GSTCD: variants seen among roughly 807,000 people sequenced by gnomAD.
GSTCD encodes the protein glutathione S-transferase C-terminal domain containing.
A neutral mutation model predicts 68.3 loss-of-function variants in GSTCD; 44 were observed. The observed-to-expected ratio is 0.64, with a 90% CI of 0.51 to 0.83. The LOEUF is 0.83. GSTCD is among the 40% of genes least tolerant of loss of function. The pLI is 0.00. For missense variants in GSTCD, 739 were observed against 735.9 expected, an observed-to-expected ratio of 1.00 and a Z score of -0.05; for synonymous variants, 273 against 255.2, an observed-to-expected ratio of 1.07 and a Z score of -0.67.
chr4:105,836,598 C>T (rs1417363694), intron 9 of GSTCD, among the ~76,000 whole-genome samples: 5 of 152,092 alleles, frequency 3.3e-5, no homozygotes, highest in African/African-American at 9.7e-5. Context: ...CCATCTCATG[C>T]TCGTCAGTGC....
chr4:105,728,621 T>A (rs1040063085), intron 4 of GSTCD, among the ~76,000 whole-genome samples: 2 of 151,102 alleles, frequency 1.3e-5, no homozygotes, highest in Non-Finnish European at 3.0e-5. Flanking sequence ...AGATTTTTAT[T>A]TGAATAGGTT....
chr4:105,762,641 G>A (rs1734457785), intron 5 of GSTCD, among the ~76,000 whole-genome samples: 2 of 152,174 alleles, frequency 1.3e-5, no homozygotes. Context: ...TATTTACAGT[G>A]ACTGGTTTCT....
chr4:105,736,803 A>G (rs140432069), intron 5 of GSTCD, among the ~76,000 whole-genome samples: 2 of 152,172 alleles, frequency 1.3e-5, no homozygotes, highest in East Asian at 3.9e-4. Context: ...AACTTTTTTT[A>G]CCTTCCATTT....
At chr4:105,778,539 A>G (rs1046237840) in intron 5 of GSTCD, among the ~76,000 whole-genome samples, 8 of 152,118 alleles carry the variant, frequency 5.3e-5, no homozygotes, top group Non-Finnish European at 8.8e-5. Flanking sequence ...TTAAGTTGTC[A>G]GCTGTTAAGG....
intron 5 of GSTCD, among the ~76,000 whole-genome samples, chr4:105,734,634 T>G (rs982187770): frequency 6.6e-6 from 1 of 152,068 alleles, no homozygotes; most frequent in African/African-American, 2.4e-5. Context: ...GGGTTCCTCC[T>G]TTAGCTCAGA....
intron 2 of GSTCD, 82 bp downstream of exon 2, chr4:105,718,121 T>A: frequency 9.2e-7 from 1 of 1,090,142 alleles, no homozygotes; most frequent in Non-Finnish European, 1.3e-6. Context: ...TTTAACTTCC[T>A]ATTAGGAATA....
At chr4:105,730,332 T>C (rs973441663) in intron 5 of GSTCD, among the ~76,000 whole-genome samples, 1 of 152,228 alleles carries the variant, frequency 6.6e-6, no homozygotes, top group Non-Finnish European at 1.5e-5. Context: ...TCTTCCACAA[T>C]GGTTAAACTA....
chr4:105,762,033 C>T (rs923618742), intron 5 of GSTCD: 5 of 152,210 alleles, frequency 3.3e-5, no homozygotes, highest in African/African-American at 1.2e-4. Flanking sequence ...GCAACACATT[C>T]TTTGGCTTTG....
chr4:105,837,818 A>G (rs758755013), intron 9 of GSTCD, 41 bp from the exon 10 acceptor site: 1 of 826,930 alleles, frequency 1.2e-6, no homozygotes, highest in Non-Finnish European at 1.9e-6. Context: ...CTTACTCTTA[A>G]TATTTAGAAT....
chr4:105,733,212 T>C (rs1733319311), intron 5 of GSTCD, among the ~76,000 whole-genome samples: 1 of 152,198 alleles, frequency 6.6e-6, no homozygotes, highest in African/African-American at 2.4e-5. Context: ...GTTTGCTTGG[T>C]GTGGAGCTGA....
In GSTCD at chr4:105,811,271, T is replaced by C. The variant is rs141391536; in HGVS notation, c.1241-11683T>C. 1.9e-3 allele frequency among the ~76,000 whole-genome samples: 293 copies of C among 152,206 alleles called. 2 individuals are homozygous for C. Among genetic ancestry groups the C allele is most frequent in the African/African-American group, 6.5e-3 (272 of 41,532 alleles). The stretch of plus-strand genomic sequence containing the variant: ...TAAATATCTTTTTATATCTCTTTCC[T>C]CTTAGTATCTTGAGAGACTACTGTT... On this transcript the variant is annotated intron_variant, in intron 5 of 11. Transcript: ENST00000515279.
chr4:105,831,988 C>T (rs554879725), intron 8 of GSTCD, among the ~76,000 whole-genome samples: 2 of 152,080 alleles, frequency 1.3e-5, no homozygotes, highest in Non-Finnish European at 2.9e-5. Context: ...ATTTATTAAC[C>T]TTACCCCTTA....
At chr4:105,762,898 A>T (rs1734466825) in intron 5 of GSTCD, among the ~76,000 whole-genome samples, 1 of 152,160 alleles carries the variant, frequency 6.6e-6, no homozygotes, top group Non-Finnish European at 1.5e-5. Flanking sequence ...ATTTGAAGAG[A>T]CTTAATTCTC....
intron 5 of GSTCD, among the ~76,000 whole-genome samples, chr4:105,737,074 T>C (rs944737075): frequency 4.6e-5 from 7 of 152,294 alleles, no homozygotes; most frequent in African/African-American, 1.4e-4. Context: ...ATCTCTTCAC[T>C]ATACTGATTT....
chr4:105,746,594 A>G (rs958543508), intron 5 of GSTCD, among the ~76,000 whole-genome samples: 12 of 92,658 alleles, frequency 1.3e-4, no homozygotes, highest in Admixed American at 4.1e-4. Context: ...TGTGTAGATC[A>G]CTGATTGAAT....
At chr4:105,805,791 C>G (rs1335019011) in intron 5 of GSTCD, among the ~76,000 whole-genome samples, 1 of 151,952 alleles carries the variant, frequency 6.6e-6, no homozygotes, top group African/African-American at 2.4e-5. Flanking sequence ...TATAAATTAC[C>G]AGTAATTTAG....
intron 8 of GSTCD, among the ~76,000 whole-genome samples, chr4:105,829,639 C>T (rs986439486): frequency 2.6e-5 from 4 of 152,058 alleles, no homozygotes; most frequent in Admixed American, 1.3e-4. Flanking sequence ...AAGACCCACC[C>T]CCATCATACA....
chr4:105,740,938 AT>A (rs768743102), intron 5 of GSTCD, among the ~76,000 whole-genome samples: 3 of 151,158 alleles, frequency 2.0e-5, no homozygotes, highest in Non-Finnish European at 4.4e-5. Context: ...GGCCCTATAA[AT>A]TTTCCTTATT....
In GSTCD at chr4:105,780,298, G is replaced by A. The variant is rs562932014; in HGVS notation, c.1241-42656G>A. ...AACTGAGATTTCAGGCTAGGGAAGC[G>A]CTGTCTCACAATATTCGCCTGCCTT... On this transcript the variant is annotated intron_variant, in intron 5 of 11. Coordinates refer to ENST00000515279, the MANE Select transcript of GSTCD (RefSeq NM_001370181.1). 5.9e-5 allele frequency among the ~76,000 whole-genome samples: 9 copies of A among 152,310 alleles called. No homozygotes were observed. In the South Asian group the frequency reaches 6.2e-4, roughly 11 times the overall value.
Sources: allele counts gnomAD v4.1 joint callset (sites outside exome capture counted in the v4.1 genomes callset), GRCh38; gene constraint gnomAD v4.1.1; transcripts MANE v1.5; gene names NCBI Gene and HGNC (gene_info 2026-07-23, HGNC 2026-07-21).